The following NPHS2 variants were observed in gnomAD, a reference collection of about 807,000 sequenced individuals.
NPHS2 encodes the protein NPHS2 stomatin family member, podocin.
NPHS2 carries 36 observed loss-of-function variants against 37.1 expected under a neutral mutation model. The ratio of observed to expected loss-of-function variants is 0.97; its 90% confidence interval spans 0.74 to 1.28. NPHS2 has a LOEUF of 1.28. Ranked by LOEUF, NPHS2 falls within the 50% of genes most tolerant of loss-of-function variation. NPHS2 has a pLI of 0.00. For missense variants in NPHS2, 447 were observed against 488.1 expected, an observed-to-expected ratio of 0.92 and a Z score of 0.79; for synonymous variants, 196 against 189.3, an observed-to-expected ratio of 1.04 and a Z score of -0.29.
chr1:179,552,910 T>C (rs991292800), intron 6 of NPHS2, among the ~76,000 whole-genome samples: 4 of 152,244 alleles, frequency 2.6e-5, no homozygotes, highest in Non-Finnish European at 5.9e-5. Flanking sequence ...GAGCTGTAGT[T>C]TCTCATTATC....
At chr1:179,566,997 G>A (rs932940581) in intron 1 of NPHS2, among the ~76,000 whole-genome samples, 4 of 141,316 alleles carry the variant, frequency 2.8e-5, no homozygotes, top group Admixed American at 2.2e-4. Flanking sequence ...GTCAGGTAGT[G>A]TGATGCCTCC....
intron 7 of NPHS2, chr1:179,552,285 G>A (rs1338430280): frequency 4.8e-6 from 2 of 418,194 alleles, no homozygotes; most frequent in Admixed American, 3.6e-5. Context: ...GGGTGACTAC[G>A]ATTACCCAGG....
At chr1:179,562,459 C>T (rs12027616) in intron 2 of NPHS2, among the ~76,000 whole-genome samples, 71,899 of 151,996 alleles carry the variant, frequency 0.47, 17,606 homozygotes, top group African/African-American at 0.58. Context: ...TAAATATTTA[C>T]TGAATAAATG....
chr1:179,559,794 T>C (rs1372737197), intron 3 of NPHS2, 33 bp from the exon 4 acceptor site: 12 of 1,423,138 alleles, frequency 8.4e-6, no homozygotes, highest in South Asian at 2.4e-5. Context: ...GACAGATAAA[T>C]AGCTAGCATG....
intron 2 of NPHS2, among the ~76,000 whole-genome samples, chr1:179,562,518 C>T (rs1674184813): frequency 6.6e-6 from 1 of 152,186 alleles, no homozygotes; most frequent in Admixed American, 6.5e-5. Flanking sequence ...TCCTTATCCT[C>T]CCTCCACTTT....
At chr1:179,573,136 A>G (rs751860256) in intron 1 of NPHS2, among the ~76,000 whole-genome samples, 4 of 152,138 alleles carry the variant, frequency 2.6e-5, no homozygotes, top group Non-Finnish European at 5.9e-5. Context: ...CTGGCCTAAA[A>G]TCTTATTTTT....
chr1:179,557,707 G>A (rs1223185697), intron 4 of NPHS2, among the ~76,000 whole-genome samples: 3 of 152,116 alleles, frequency 2.0e-5, no homozygotes, highest in Non-Finnish European at 4.4e-5. Context: ...CTATAAGGAT[G>A]TTACTCACAG....
In NPHS2 at chr1:179,559,673, G is replaced by A; in HGVS notation, c.534+6C>T. ...TAGAGAAAGCAAAAGCCATCATTTG[G>A]CTTACCTCATGAAAAGGTATCTCCA... On this transcript the variant is annotated splice_donor_region_variant and intron_variant, in intron 4 of 7. Coordinates refer to ENST00000367615, the MANE Select transcript of NPHS2 (RefSeq NM_014625.4). 1 of 1,566,638 alleles carries A rather than the reference G, an allele frequency of 6.4e-7. No individual in the cohort carries two copies. Among genetic ancestry groups the A allele is most frequent in the Non-Finnish European group, 8.7e-7 (1 of 1,148,106 alleles).
At position 179,561,300 on chromosome 1, in the gene NPHS2, G is replaced by C; in HGVS notation, c.440C>G (p.Ala147Gly). The C allele has an allele frequency of 6.2e-7, 1 of 1,612,760 alleles. No homozygotes were observed. Among genetic ancestry groups the C allele is most frequent in the Non-Finnish European group, 8.5e-7 (1 of 1,178,814 alleles). Residue 147 changes from alanine to glycine, a missense_variant, in exon 3 of 8, where the codon GCC becomes GGC. Ala to Gly is a moderately conservative substitution (Grantham distance 60). Transcript: ENST00000367615. ...FRLGHLLPGR[A>G]KGPGLFFFLP... ...GAGTGTTTTTTTACCAGGGCCTTTG[G>C]CTCTTCCAGGAAGCAGATGTCCCAG...
In NPHS2 at chr1:179,557,076, G is replaced by A; in HGVS notation, c.689C>T (p.Ser230Phe). The change falls in exon 5 of 8, where the codon TCC becomes TTC. Residue 230 changes from serine (S) to phenylalanine (F), a missense_variant. Ser to Phe is a radical substitution (Grantham distance 155). Coordinates refer to ENST00000367615, the MANE Select transcript of NPHS2 (RefSeq NM_014625.4). ...CCTCTCTAGAAGAATTTCAGTGAGGGATCGATGTGCTAGGAGACGCTTCAT... is the reference window on the plus strand; with the variant it reads ...CCTCTCTAGAAGAATTTCAGTGAGGAATCGATGTGCTAGGAGACGCTTCAT... ...TTMKRLLAHR[S>F]LTEILLERKS... 6.2e-6 allele frequency: 10 copies of A among 1,614,016 alleles called. No homozygotes were observed. Among genetic ancestry groups the A allele is most frequent in the Non-Finnish European group, 6.8e-6 (8 of 1,179,960 alleles).
intron 7 of NPHS2, chr1:179,551,820 G>A: frequency 3.7e-6 from 1 of 273,102 alleles, no homozygotes; most frequent in Non-Finnish European, 7.1e-6. Context: ...AAAGTGAATG[G>A]GTAAACATTT....
chr1:179,557,746 G>T (rs544832992), intron 4 of NPHS2, among the ~76,000 whole-genome samples: 1 of 152,204 alleles, frequency 6.6e-6, no homozygotes, highest in Non-Finnish European at 1.5e-5. Flanking sequence ...AAATTGGAAA[G>T]AATTTAACAT....
chr1:179,561,420 CT>C, intron 2 of NPHS2, 59 bp from the exon 3 acceptor site: 1 of 1,338,772 alleles, frequency 7.5e-7, no homozygotes, highest in South Asian at 1.2e-5. Context: ...TTCAAAAGGC[CT>C]TGGCATAAGA....
At chr1:179,564,145 T>C (rs1312825709) in intron 2 of NPHS2, among the ~76,000 whole-genome samples, 1 of 152,248 alleles carries the variant, frequency 6.6e-6, no homozygotes, top group African/African-American at 2.4e-5. Context: ...TGAAGGCTTC[T>C]CCTGACTACT....
chr1:179,565,785 T>G (rs1194960442), intron 1 of NPHS2, among the ~76,000 whole-genome samples: 2 of 147,558 alleles, frequency 1.4e-5, no homozygotes, highest in Non-Finnish European at 3.0e-5. Flanking sequence ...AGTGATCTCA[T>G]TGTTCATTTC....
intron 5 of NPHS2, 25 bp downstream of exon 5, chr1:179,557,002 T>C (rs1258061476): frequency 1.3e-6 from 2 of 1,551,030 alleles, no homozygotes; most frequent in Admixed American, 1.7e-5. Context: ...TTTCAGCATA[T>C]TGGCCATTAT....
chr1:179,573,538 T>G (rs1674643705), intron 1 of NPHS2, among the ~76,000 whole-genome samples: 1 of 152,206 alleles, frequency 6.6e-6, no homozygotes, highest in South Asian at 2.1e-4. Flanking sequence ...CTCATTGATA[T>G]TCTATGGAAC....
chr1:179,570,450 A>G (rs1344236738), intron 1 of NPHS2, among the ~76,000 whole-genome samples: 2 of 152,268 alleles, frequency 1.3e-5, no homozygotes, highest in Non-Finnish European at 2.9e-5. Flanking sequence ...TGGGCTAGTT[A>G]ACTGCAGCAG....
intron 1 of NPHS2, among the ~76,000 whole-genome samples, chr1:179,569,818 A>T (rs1239420303): frequency 1.3e-5 from 2 of 152,164 alleles, no homozygotes; most frequent in African/African-American, 2.4e-5. Context: ...GTTTGGCTGG[A>T]TATGAAATTC....
Sources: gnomAD v4.1 joint callset for allele counts (sites outside exome capture counted in the v4.1 genomes callset) on GRCh38, gnomAD v4.1.1 for gene constraint, MANE v1.5 for transcripts, NCBI Gene and HGNC (gene_info 2026-07-23, HGNC 2026-07-21) for gene names.